NCAPD3: variants seen among roughly 807,000 people sequenced by gnomAD.
NCAPD3 encodes the protein non-SMC condensin II complex subunit D3, also known as condensin-2 complex subunit D3.
In NCAPD3, 105 loss-of-function variants were observed where a neutral mutation model predicts 182.9. The ratio of observed to expected loss-of-function variants is 0.57; its 90% CI spans 0.49 to 0.68. The LOEUF (loss-of-function observed/expected upper bound fraction) is 0.68, where lower values mean the gene tolerates loss of function less well. Among genes scored for constraint, NCAPD3 ranks in the 30% least tolerant of loss-of-function variants. The pLI, the probability that NCAPD3 is intolerant of heterozygous loss-of-function variation, is 0.00. For synonymous variants in NCAPD3, 815 were observed against 679.9 expected (o/e 1.20, Z -3.09); for missense variants, 1,944 against 1,837.0 (o/e 1.06, Z -1.07).
In NCAPD3 at chr11:134,210,573, G is replaced by T. The variant is rs1474743583; in HGVS notation, c.383-119C>A. On this transcript the variant is annotated intron_variant, in intron 3 of 34. Coordinates refer to ENST00000534548, the MANE Select transcript of NCAPD3 (RefSeq NM_015261.3). ...GCTTTTCATGACTGTGAATAACAATGAACCTGTAGCAAGAGTACCATTTGC... is the reference window on the plus strand; with the variant it reads ...GCTTTTCATGACTGTGAATAACAATTAACCTGTAGCAAGAGTACCATTTGC... 4.5e-6 allele frequency: 4 copies of T among 885,308 alleles called. No homozygotes were observed. In the African/African-American group the frequency reaches 5.1e-5, roughly 11 times the overall value. 54.8% of individuals were successfully genotyped at this position (885,308 alleles called of 1,614,324 possible).
intron 32 of NCAPD3, 100 bp from the exon 33 acceptor site, chr11:134,153,463 G>C: frequency 7.9e-7 from 1 of 1,260,174 alleles, no homozygotes; most frequent in South Asian, 1.2e-5. Context: ...CCACATCAGT[G>C]TCCCAGCGGC....
chr11:134,160,110 T>C (rs754990063), intron 28 of NCAPD3, 36 bp from the exon 29 acceptor site: 11 of 1,604,674 alleles, frequency 6.9e-6, no homozygotes, highest in Non-Finnish European at 7.7e-6. Flanking sequence ...TCATGTTTTC[T>C]TGAATAAAAA....
rs781242347 is a variant in NCAPD3, at chr11:134,204,108, G to A, written c.1153C>T (p.Leu385Phe). The change falls in exon 10 of 35, where the codon CTT (leucine) becomes TTT (phenylalanine). Residue 385 changes from leucine to phenylalanine, a missense_variant. Physicochemically the swap from Leu to Phe is conservative, Grantham distance 22 (BLOSUM62 0). Around this residue, in one of 3 missense-constraint regions of NCAPD3, gnomAD observed 1,803 missense variants for 1,674.6 expected, o/e 1.08. Transcript: ENST00000534548. This position sits in a 1 kb window ranked among gnomAD's most constrained non-coding sequence, Gnocchi z 4.3. ...AACATAGCGTATTCCCCACAAGGAAGTTTACTGAGCAGCTGGACTAGGGAC... is the reference window on the plus strand; with the variant it reads ...AACATAGCGTATTCCCCACAAGGAAATTTACTGAGCAGCTGGACTAGGGAC... ...AQSLVQLLSK[L>F]PCGEYAMFIA... 1 of 1,614,094 alleles carries A rather than the reference G, an allele frequency of 6.2e-7. No individual in the cohort carries two copies. The highest frequency in any genetic ancestry group is 8.5e-7 in the Non-Finnish European group (1 of 1,179,974).
intron 24 of NCAPD3, among the ~76,000 whole-genome samples, chr11:134,170,177 T>C (rs1943973142): frequency 6.6e-6 from 1 of 152,204 alleles, no homozygotes. Flanking sequence ...TAATTACACC[T>C]TGACTATTCA....
At chr11:134,222,439 G>C (rs539129986) in intron 1 of NCAPD3, among the ~76,000 whole-genome samples, 3 of 152,324 alleles carry the variant, frequency 2.0e-5, no homozygotes, top group South Asian at 4.1e-4. Context: ...AGAGGCCACT[G>C]AATTTTGAGT....
rs144645342 is a variant in NCAPD3 at position 134,167,554 on chromosome 11, G to A, written c.3573+442C>T. ...CACTCACTAGTGAGATGAGCTCGGG[G>A]GAGCTGCACACTCACTAGTGAGATG... On this transcript the variant is annotated intron_variant, in intron 27 of 34. Transcript: ENST00000534548. Among the ~76,000 whole-genome samples the A allele has an allele frequency of 4.4e-3, 630 of 143,658 alleles. 4 individuals are homozygous for A. The highest frequency in any genetic ancestry group is 0.016 in the African/African-American group (592 of 37,912). 94.2% of individuals were successfully genotyped at this position (143,658 alleles called of 152,430 possible). A position where few individuals can be genotyped will look rare whatever the true frequency, so the allele number is the denominator to read the frequency against.
intron 13 of NCAPD3, among the ~76,000 whole-genome samples, chr11:134,200,259 A>G (rs924955720): frequency 1.3e-5 from 2 of 152,228 alleles, no homozygotes; most frequent in African/African-American, 4.8e-5. Flanking sequence ...GACTTCATCA[A>G]AATTAAAATG....
intron 20 of NCAPD3, among the ~76,000 whole-genome samples, chr11:134,179,867 T>C (rs1481451864): frequency 6.6e-6 from 1 of 152,124 alleles, no homozygotes; most frequent in Non-Finnish European, 1.5e-5. Flanking sequence ...ACAAAGTATA[T>C]GAGTTTAAAA....
rs1944386517 is a variant in NCAPD3 at position 134,185,542 on chromosome 11, A to T, written c.2046-16T>A. The T allele has an allele frequency of 6.4e-7, 1 of 1,561,120 alleles. No individual in the cohort carries two copies. ...TAAATATCGGCTGGAAAAAAAAAAG[A>T]TAGAAAAGCAGAATTGCAACTGTAA... On this transcript the variant is annotated splice_polypyrimidine_tract_variant and intron_variant, in intron 16 of 34. Transcript: ENST00000534548.
At position 134,158,041 on chromosome 11, in the gene NCAPD3, AT is replaced by A; in HGVS notation, c.4060del (p.Ile1354SerfsTer2). 4.3e-6 allele frequency: 7 copies of A among 1,614,096 alleles called. No homozygotes were observed. The highest frequency in any genetic ancestry group is 5.9e-6 in the Non-Finnish European group (7 of 1,180,004). On this transcript the variant is annotated frameshift_variant, in exon 31 of 35. Transcript: ENST00000534548. LOFTEE classifies it high-confidence loss of function. The part of the protein sequence containing the change: ...ARPMSLSTIA[I>X]LNSVKKAVES... ...CACGGCTTTCTTGACAGAATTCAGG[AT>A]TGCAATGGTGCTCAGGGACATGGGC...
intron 27 of NCAPD3, among the ~76,000 whole-genome samples, chr11:134,166,027 G>A (rs1395367232): frequency 2.4e-5 from 3 of 127,436 alleles, no homozygotes; most frequent in African/African-American, 3.1e-5. Context: ...TGAGCTTGGG[G>A]GAGGCGCACA....
chr11:134,200,049 AAGGAGTGAAG>A (rs1254271029), intron 13 of NCAPD3, among the ~76,000 whole-genome samples: 1 of 152,194 alleles, frequency 6.6e-6, no homozygotes, highest in Non-Finnish European at 1.5e-5. Context: ...GTCACATGCA[AAGGAGTGAAG>A]GTGGACCCCC....
intron 7 of NCAPD3, among the ~76,000 whole-genome samples, chr11:134,208,594 C>T (rs971021653): frequency 6.6e-6 from 1 of 152,204 alleles, no homozygotes; most frequent in Non-Finnish European, 1.5e-5. Context: ...TCTGTTCCTC[C>T]TATTTCATTC....
intron 32 of NCAPD3, among the ~76,000 whole-genome samples, chr11:134,156,694 C>A (rs1312119383): frequency 3.3e-5 from 5 of 152,166 alleles, no homozygotes; most frequent in Non-Finnish European, 5.9e-5. Context: ...ACCCGGACAG[C>A]CCAGAGACAC....
chr11:134,214,834 T>C lies in NCAPD3; in HGVS notation c.382+2102A>G, dbSNP rs1309032980. Among the ~76,000 whole-genome samples the C allele has an allele frequency of 2.6e-5, 4 of 152,096 alleles. No homozygotes were observed. In the East Asian group the frequency reaches 7.7e-4, roughly 29 times the overall value. On this transcript the variant is annotated intron_variant, in intron 3 of 34. Transcript: ENST00000534548. ...AAAGAAAACCCAAAATCTTCCAAAA[T>C]ACAGAAGAGAAGGGAATACTATGTA... is the stretch of plus-strand genomic sequence containing the variant.
chr11:134,199,561 C>T (rs150624984), intron 13 of NCAPD3, among the ~76,000 whole-genome samples: 17 of 152,306 alleles, frequency 1.1e-4, no homozygotes, highest in African/African-American at 4.1e-4. Context: ...TACACTCTCA[C>T]GATGCTGGGC....
Position 134,168,031 on chromosome 11 carries a change from C to T in NCAPD3, c.3538G>A (p.Val1180Ile). The change falls in exon 27 of 35, where the codon GTC becomes ATC. Residue 1180 changes from valine (V) to isoleucine (I), a missense_variant. By Grantham distance (29) the Val-to-Ile change is conservative. Coordinates refer to ENST00000534548, the MANE Select transcript of NCAPD3 (RefSeq NM_015261.3). Reference protein sequence around the residue: ...EEDDMALANVVMQEAQKKLIS... With the variant: ...EEDDMALANVIMQEAQKKLIS... ...AGCTTCTTCTGAGCTTCCTGCATGA[C>T]TACATTTGCCAAGGCCATGTCATCT... 6.2e-7 allele frequency: 1 copy of T among 1,613,872 alleles called. No homozygotes were observed. Among genetic ancestry groups the T allele is most frequent in the South Asian group, 1.1e-5 (1 of 91,084 alleles).
intron 29 of NCAPD3, among the ~76,000 whole-genome samples, chr11:134,159,197 C>T (rs1943511269): frequency 6.6e-6 from 1 of 152,226 alleles, no homozygotes; most frequent in Non-Finnish European, 1.5e-5. Context: ...GCTGCTGCCT[C>T]ATATGGTACC....
At chr11:134,180,720 C>G (rs139419399) in intron 20 of NCAPD3, among the ~76,000 whole-genome samples, 1 of 152,222 alleles carries the variant, frequency 6.6e-6, no homozygotes, top group African/African-American at 2.4e-5. Context: ...TTTAAAAAAG[C>G]AAACACACAA....
Sources: gnomAD v4.1 joint callset for allele counts (sites outside exome capture counted in the v4.1 genomes callset) on GRCh38, gnomAD v4.1.1 for gene constraint, gnomAD v4.1.1 regional missense constraint, Gnocchi (gnomAD v3.1) non-coding constraint, MANE v1.5 for transcripts, NCBI Gene and HGNC (gene_info 2026-07-23, HGNC 2026-07-21) for gene names.